The following ITGA5 variants were observed in gnomAD, a reference collection of about 807,000 sequenced individuals.
ITGA5 encodes the protein integrin alpha-5.
In ITGA5, 55 loss-of-function variants were observed where a neutral mutation model predicts 146.3. The ratio of observed to expected loss-of-function variants is 0.38; its 90% CI spans 0.30 to 0.47. The LOEUF (loss-of-function observed/expected upper bound fraction) is 0.47, where lower values mean the gene tolerates loss of function less well. ITGA5 is among the 20% of genes least tolerant of loss of function. The pLI is 0.99. For synonymous variants in ITGA5, 500 were observed against 531.8 expected (o/e 0.94, Z 0.82); for missense variants, 1,131 against 1,329.0 (o/e 0.85, Z 2.32).
rs1251117971 is a variant in ITGA5, at chr12:54,404,444, C to G, written c.1449G>C (p.Lys483Asn). ...GGAGCTCATACCTGTATACCACAGC[C>G]TTGTCCACACCAAAGGACCCCACAA... ...DLIVGSFGVDKAVVYRGRPIV... is the reference protein window; with the variant it reads ...DLIVGSFGVDNAVVYRGRPIV... Residue 483 changes from lysine to asparagine, a missense_variant, in exon 14 of 30, where the codon AAG becomes AAC. Physicochemically the swap from Lys to Asn is moderately conservative, Grantham distance 94 (BLOSUM62 0). Coordinates refer to ENST00000293379, the MANE Select transcript of ITGA5 (RefSeq NM_002205.5). The G allele has an allele frequency of 1.9e-6, 3 of 1,614,188 alleles. No individual in the cohort carries two copies. The highest frequency in any genetic ancestry group is 2.5e-6 in the Non-Finnish European group (3 of 1,180,012).
Position 54,416,543 on chromosome 12 carries a change from G to GAT in ITGA5, c.218+2437_218+2438insAT, listed in dbSNP as rs1956009997. ...TACTCAAAGCAAGTAAGAAATGAGG[G>GAT]AACTAGGCGGTAGCCAGGAAGGAGA... On this transcript the variant is annotated intron_variant, in intron 1 of 29. Transcript: ENST00000293379. This position sits in a 1 kb window ranked among gnomAD's most constrained non-coding sequence, Gnocchi z 4.1. 7.3e-6 allele frequency among the ~76,000 whole-genome samples: 1 copy of GAT among 137,338 alleles called. No homozygotes were observed. Among genetic ancestry groups the GAT allele is most frequent in the Admixed American group, 6.8e-5 (1 of 14,670 alleles). The allele number at this position is 137,338 out of a possible 152,430, so 90.1% of individuals were successfully genotyped here. A position where few individuals can be genotyped will look rare whatever the true frequency, so the allele number is the denominator to read the frequency against.
At chr12:54,411,636 C>T (rs975980897) in intron 2 of ITGA5, among the ~76,000 whole-genome samples, 198 bp downstream of exon 2, 1 of 152,186 alleles carries the variant, frequency 6.6e-6, no homozygotes, top group Non-Finnish European at 1.5e-5. Flanking sequence ...GCCCGTCCTC[C>T]TTGGGCTGGG....
intron 19 of ITGA5, 32 bp from the exon 20 acceptor site, chr12:54,402,362 G>A: frequency 6.3e-7 from 1 of 1,580,048 alleles, no homozygotes; most frequent in Non-Finnish European, 8.6e-7. Context: ...AGGGACATTG[G>A]TGAATTAATC....
chr12:54,403,371 T>C lies in ITGA5; in HGVS notation c.1777-47A>G. The C allele has an allele frequency of 6.7e-7, 1 of 1,491,608 alleles. No individual in the cohort carries two copies. The highest frequency in any genetic ancestry group is 1.4e-5 in the South Asian group (1 of 70,666). 92.4% of individuals were successfully genotyped at this position (1,491,608 alleles called of 1,614,324 possible). ...CACGGAGTCAGGGGACTCTGGAGAC[T>C]TAGTGGCCCTGCTCCTCAGCCTCTC... is the stretch of plus-strand genomic sequence containing the variant. On this transcript the variant is annotated intron_variant, in intron 17 of 29. Transcript: ENST00000293379. The surrounding 1 kb of genome is among the most constrained non-coding windows in gnomAD (Gnocchi z 4.9).
At chr12:54,417,126 G>C (rs966033000) in intron 1 of ITGA5, among the ~76,000 whole-genome samples, 5 of 152,132 alleles carry the variant, frequency 3.3e-5, no homozygotes, top group African/African-American at 9.7e-5. Flanking sequence ...AGCAGAAGGG[G>C]AGGGGGAAGG....
At chr12:54,407,346 A>C in intron 9 of ITGA5, 1 of 433,674 alleles carries the variant, frequency 2.3e-6, no homozygotes, top group South Asian at 2.9e-5. Context: ...TACATTGCCT[A>C]ACAATTCACT....
Position 54,401,225 on chromosome 12 carries a change from C to G in ITGA5, c.2493+148G>C. On this transcript the variant is annotated intron_variant, in intron 24 of 29. Transcript: ENST00000293379. The surrounding 1 kb of genome is among the most constrained non-coding windows in gnomAD (Gnocchi z 5.0). Reference sequence around the variant, plus strand: ...GCCTGTCTCTCCTCTGGCTGTTTCTCACAGGACTCTGCCTCATGCCTTTGC... The same window carrying G: ...GCCTGTCTCTCCTCTGGCTGTTTCTGACAGGACTCTGCCTCATGCCTTTGC... 1.3e-6 allele frequency: 1 copy of G among 786,992 alleles called. No individual in the cohort carries two copies. 48.8% of individuals were successfully genotyped at this position (786,992 alleles called of 1,614,324 possible).
In ITGA5 at chr12:54,404,796, C is replaced by G. The variant is rs774907143; in HGVS notation, c.1324G>C (p.Val442Leu). The G allele has an allele frequency of 6.2e-7, 1 of 1,614,024 alleles. No individual in the cohort carries two copies. The part of the protein sequence containing the change: ...PGGLGSKPSQ[V>L]LQPLWAASHT... ...CTGGCTGCCCACAGGGGCTGCAGAA[C>G]CTGGGAAGGCTTAGAGCCCAGCCCT... Residue 442 changes from valine (V) to leucine (L), a missense_variant, in exon 13 of 30, where the codon GTT (valine) becomes CTT (leucine). Physicochemically the swap from Val to Leu is conservative, Grantham distance 32 (BLOSUM62 1). Around this residue, in one of 3 missense-constraint regions of ITGA5, gnomAD observed 889 missense variants for 1,021.5 expected, o/e 0.87. Coordinates refer to ENST00000293379, the MANE Select transcript of ITGA5 (RefSeq NM_002205.5).
chr12:54,399,523 G>A, intron 27 of ITGA5, 122 bp downstream of exon 27: 1 of 708,932 alleles, frequency 1.4e-6, no homozygotes, highest in South Asian at 1.6e-5. Flanking sequence ...GGCAAGGAAG[G>A]GGAGCTGGAG....
At position 54,407,599 on chromosome 12, in the gene ITGA5, T is replaced by G. The variant is rs187317155; in HGVS notation, c.906+50A>C. On this transcript the variant is annotated intron_variant, in intron 9 of 29. Transcript: ENST00000293379. ...TTGCAAACTGCCATGCACGGTTCTT[T>G]GTGATTAGGCAGGGGAGGAGAGGAA... 4.0e-6 allele frequency: 6 copies of G among 1,512,384 alleles called. No homozygotes were observed. The East Asian group carries it at 1.4e-4, about 34-fold the overall frequency. The allele number at this position is 1,512,384 out of a possible 1,614,324, so 93.7% of individuals were successfully genotyped here.
chr12:54,401,962 G>C lies in ITGA5; in HGVS notation c.2226+39C>G, dbSNP rs755522375. ...CTGGCTGGTTACCGCCCTCAGGTCTGCTCTCCCTCTGTCCCATCCTCTTTC... is the reference window on the plus strand; with the variant it reads ...CTGGCTGGTTACCGCCCTCAGGTCTCCTCTCCCTCTGTCCCATCCTCTTTC... On this transcript the variant is annotated intron_variant, in intron 21 of 29. Coordinates refer to ENST00000293379, the MANE Select transcript of ITGA5 (RefSeq NM_002205.5). This position sits in a 1 kb window ranked among gnomAD's most constrained non-coding sequence, Gnocchi z 5.0. The C allele has an allele frequency of 3.4e-5, 55 of 1,606,734 alleles. No individual in the cohort carries two copies. Among genetic ancestry groups the C allele is most frequent in the Non-Finnish European group, 4.3e-5 (51 of 1,173,512 alleles).
At chr12:54,399,782 T>C (rs765745888) in intron 26 of ITGA5, 24 bp from the exon 27 acceptor site, 1 of 1,611,256 alleles carries the variant, frequency 6.2e-7, no homozygotes, top group Admixed American at 1.7e-5. Flanking sequence ...AGCTTGAACC[T>C]GGTGTTCTGC....
Position 54,409,088 on chromosome 12 carries a change from G to C in ITGA5, c.584-134C>G, listed in dbSNP as rs7302345. ...CCTGGACCAGACAGTAAGCATAAAGGCTAACGAACTGGGTTAGCCTTTATC... is the reference window on the plus strand; with the variant it reads ...CCTGGACCAGACAGTAAGCATAAAGCCTAACGAACTGGGTTAGCCTTTATC... On this transcript the variant is annotated intron_variant, in intron 4 of 29. Transcript: ENST00000293379. This position sits in a 1 kb window ranked among gnomAD's most constrained non-coding sequence, Gnocchi z 4.7. The C allele has an allele frequency of 0.015, 21,757 of 1,411,656 alleles. 493 individuals carry two copies. The highest frequency in any genetic ancestry group is 0.076 in the South Asian group (6,143 of 81,264). The allele number at this position is 1,411,656 out of a possible 1,614,324, so 87.4% of individuals were successfully genotyped here.
chr12:54,400,941 G>T lies in ITGA5; in HGVS notation c.2548C>A (p.Pro850Thr). 1.2e-6 allele frequency: 2 copies of T among 1,613,944 alleles called. No homozygotes were observed. The highest frequency in any genetic ancestry group is 2.7e-5 in the African/African-American group (2 of 75,020). ...ISQGVLELSC[P>T]QALEGQQLLY... ...AGCTGCTGACCTTCCAGAGCCTGGG[G>T]ACAGCTGAGTTCCAGCACACCCTGG... The change falls in exon 25 of 30, where the codon CCC becomes ACC. Residue 850 changes from proline (P) to threonine (T), a missense_variant. By Grantham distance (38) the Pro-to-Thr change is conservative. Around this residue, in one of 3 missense-constraint regions of ITGA5, gnomAD observed 889 missense variants for 1,021.5 expected, o/e 0.87. Transcript: ENST00000293379.
At chr12:54,402,432 C>T in intron 19 of ITGA5, 102 bp from the exon 20 acceptor site, 1 of 1,114,116 alleles carries the variant, frequency 9.0e-7, no homozygotes, top group South Asian at 1.5e-5. Flanking sequence ...TGTGGTGGCT[C>T]ACACCTGTAA....
At chr12:54,406,649 C>T (rs1186523141) in intron 9 of ITGA5, among the ~76,000 whole-genome samples, 1 of 152,214 alleles carries the variant, frequency 6.6e-6, no homozygotes, top group Non-Finnish European at 1.5e-5. Context: ...ATATTCTACT[C>T]ATCCTCAATC....
chr12:54,397,206 G>T (rs780968481), intron 29 of ITGA5, 159 bp downstream of exon 29: 3 of 646,458 alleles, frequency 4.6e-6, no homozygotes, highest in Non-Finnish European at 7.9e-6. Context: ...TGAAGGGGGG[G>T]ATCTTATAGG....
At chr12:54,408,708 TCAA>T in intron 6 of ITGA5, 45 bp downstream of exon 6, 1 of 982,200 alleles carries the variant, frequency 1.0e-6, no homozygotes, top group Non-Finnish European at 1.4e-6. Context: ...AGACTTCGTC[TCAA>T]AAAAAAAAAA....
chr12:54,403,716 A>G lies in ITGA5; in HGVS notation c.1685T>C (p.Phe562Ser), dbSNP rs765923735. Residue 562 changes from phenylalanine (F) to serine (S), a missense_variant, in exon 17 of 30, where the codon TTC (phenylalanine) becomes TCC (serine). Around this residue, in one of 3 missense-constraint regions of ITGA5, gnomAD observed 889 missense variants for 1,021.5 expected, o/e 0.87. Coordinates refer to ENST00000293379, the MANE Select transcript of ITGA5 (RefSeq NM_002205.5). The surrounding 1 kb of genome is among the most constrained non-coding windows in gnomAD (Gnocchi z 4.9). ...KQKGGVRRALFLASRQATLTQ... is the reference protein window; with the variant it reads ...KQKGGVRRALSLASRQATLTQ... Reference sequence around the variant, plus strand: ...CAGGGTTGCCTGCCTGGAGGCCAGGAACAGTGCCCGCCGTACCCCTCCCTT... The same window carrying G: ...CAGGGTTGCCTGCCTGGAGGCCAGGGACAGTGCCCGCCGTACCCCTCCCTT... 3 of 1,614,124 alleles carry G rather than the reference A, an allele frequency of 1.9e-6. No homozygotes were observed. The South Asian group carries it at 3.3e-5, about 18-fold the overall frequency.
Sources: allele counts gnomAD v4.1 joint callset (sites outside exome capture counted in the v4.1 genomes callset), GRCh38; gene constraint gnomAD v4.1.1; regional missense constraint gnomAD v4.1.1; non-coding constraint Gnocchi (gnomAD v3.1); transcripts MANE v1.5; gene names NCBI Gene and HGNC (gene_info 2026-07-23, HGNC 2026-07-21).